The following APAF1 variants were observed in gnomAD, a reference collection of about 807,000 sequenced individuals.
APAF1 encodes apoptotic peptidase activating factor 1, also known as apoptotic protease-activating factor 1.
In APAF1, 91 loss-of-function variants were observed where a neutral mutation model predicts 152.4. That is an observed-to-expected ratio of 0.60 (90% CI 0.50 to 0.71). The LOEUF is 0.71. APAF1 is among the 30% of genes least tolerant of loss of function. The pLI is 0.00. For synonymous variants in APAF1, 484 were observed against 494.1 expected (o/e 0.98, Z 0.27); for missense variants, 1,283 against 1,472.0 (o/e 0.87, Z 2.10).
chr12:98,686,717 G>A, intron 15 of APAF1, 31 bp from the exon 16 acceptor site: 1 of 1,604,062 alleles, frequency 6.2e-7, no homozygotes, highest in East Asian at 2.2e-5. Context: ...AATACTAGTT[G>A]TTTATTTATC....
At chr12:98,699,619 C>T (rs1438812912) in intron 17 of APAF1, 50 bp downstream of exon 17, 4 of 1,599,232 alleles carry the variant, frequency 2.5e-6, no homozygotes, top group Non-Finnish European at 3.4e-6. Context: ...AAAGTTAAAA[C>T]TTCTGTTCAT....
Position 98,699,531 on chromosome 12 carries a change from G to C in APAF1, c.2428G>C (p.Gly810Arg), listed in dbSNP as rs1020237817. ...GAAGTGTTGTTCGTGGTCTGCTGAT[G>C]GTGCAAGGATAATGGTGGCAGCAAA... Reference protein sequence around the residue: ...IVKCCSWSADGARIMVAAKNK... With the variant: ...IVKCCSWSADRARIMVAAKNK... Residue 810 changes from glycine to arginine, a missense_variant, in exon 17 of 27, where the codon GGT becomes CGT. Gly to Arg is a moderately radical substitution (Grantham distance 125). Transcript: ENST00000551964. 13 of 1,614,168 alleles carry C rather than the reference G, an allele frequency of 8.1e-6. No individual in the cohort carries two copies. Among genetic ancestry groups the C allele is most frequent in the Non-Finnish European group, 1.1e-5 (13 of 1,180,018 alleles).
At chr12:98,677,588 T>C in intron 13 of APAF1, 37 bp downstream of exon 13, 2 of 1,613,814 alleles carry the variant, frequency 1.2e-6, no homozygotes, top group Non-Finnish European at 1.7e-6. Flanking sequence ...CAAAGAGGCA[T>C]GTATCCAGTT....
chr12:98,684,664 A>G (rs945869684), intron 15 of APAF1, among the ~76,000 whole-genome samples: 1 of 152,136 alleles, frequency 6.6e-6, no homozygotes, highest in African/African-American at 2.4e-5. Context: ...TAATGTAGTA[A>G]CATAAAATTA....
chr12:98,680,499 C>T (rs2097691139), intron 14 of APAF1, 97 bp downstream of exon 14: 3 of 1,194,498 alleles, frequency 2.5e-6, no homozygotes, highest in South Asian at 1.3e-5. Context: ...AAAGGACTCT[C>T]ACCTGTTGAT....
At chr12:98,669,427 A>G (rs1355537439) in intron 10 of APAF1, among the ~76,000 whole-genome samples, 2 of 152,214 alleles carry the variant, frequency 1.3e-5, no homozygotes, top group Non-Finnish European at 2.9e-5. Flanking sequence ...CACAACCATT[A>G]CTAATGCTCT....
At chr12:98,703,257 T>G (rs1308145846) in intron 17 of APAF1, 114 bp from the exon 18 acceptor site, 1 of 1,133,364 alleles carries the variant, frequency 8.8e-7, no homozygotes, top group Non-Finnish European at 1.3e-6. Context: ...ATTATGCCAG[T>G]TATCAGTAAT....
At position 98,671,624 on chromosome 12, in the gene APAF1, G is replaced by A. The variant is rs1427256265; in HGVS notation, c.1698G>A (p.Leu566=). 2 of 1,613,780 alleles carry A rather than the reference G, an allele frequency of 1.2e-6. No individual in the cohort carries two copies. Among genetic ancestry groups the A allele is most frequent in the Non-Finnish European group, 1.7e-6 (2 of 1,179,980 alleles). The part of the protein sequence containing the change: ...GRQPFPNIVQ[L]GLCEPETSEV... ...AGCCATTTCCTAATATTGTACAACT[G>A]GGTCTCTGTGAGCCGGAAACTTCAG... The change falls in exon 12 of 27, where the codon CTG becomes CTA. Residue 566 remains leucine, a synonymous_variant. Transcript: ENST00000551964.
rs73378459 is a variant in APAF1 at position 98,723,066 on chromosome 12, C to G, written c.3085-127C>G. On this transcript the variant is annotated intron_variant, in intron 22 of 26. Coordinates refer to ENST00000551964, the MANE Select transcript of APAF1 (RefSeq NM_181861.2). ...GGACACCACAGTCTTCTCTCTTATT[C>G]CTCTCTGTTTTACTGAAATGCCATG... 4,104 of 958,910 alleles carry G rather than the reference C, an allele frequency of 4.3e-3. 105 individuals carry two copies. The African/African-American group carries it at 0.06, about 14-fold the overall frequency. The allele number at this position is 958,910 out of a possible 1,614,324, so 59.4% of individuals were successfully genotyped here.
chr12:98,663,342 G>T (rs1031913305), intron 7 of APAF1, among the ~76,000 whole-genome samples: 1 of 151,928 alleles, frequency 6.6e-6, no homozygotes, highest in Non-Finnish European at 1.5e-5. Flanking sequence ...TTAGCTCTTT[G>T]TCATATTTTT....
At chr12:98,689,123 A>G (rs1407536904) in intron 16 of APAF1, among the ~76,000 whole-genome samples, 2 of 151,890 alleles carry the variant, frequency 1.3e-5, no homozygotes, top group Non-Finnish European at 2.9e-5. Flanking sequence ...CCCTACCACT[A>G]TTTTCAACAT....
intron 5 of APAF1, among the ~76,000 whole-genome samples, chr12:98,659,771 A>AAAG (rs1555214674): frequency 7.0e-5 from 10 of 142,416 alleles, no homozygotes; most frequent in South Asian, 2.1e-4. Context: ...AAAAAAAAAA[A>AAAG]AGAGAGAGAA....
chr12:98,666,859 A>C (rs1254321818), intron 9 of APAF1, among the ~76,000 whole-genome samples: 1 of 151,872 alleles, frequency 6.6e-6, no homozygotes, highest in Non-Finnish European at 1.5e-5. Context: ...GTTTTTAAAA[A>C]ATTTTTTGTA....
At chr12:98,672,793 C>T (rs927104636) in intron 12 of APAF1, among the ~76,000 whole-genome samples, 8 of 151,464 alleles carry the variant, frequency 5.3e-5, no homozygotes, top group African/African-American at 1.7e-4. Flanking sequence ...TCACTCTTGT[C>T]GCCCAGGCTG....
At chr12:98,691,573 A>G (rs1220777372) in intron 16 of APAF1, among the ~76,000 whole-genome samples, 5 of 152,150 alleles carry the variant, frequency 3.3e-5, no homozygotes, top group African/African-American at 9.7e-5. Flanking sequence ...TGAAGAATGT[A>G]AAAATCCAGT....
At chr12:98,652,211 C>A (rs1262009276) in intron 4 of APAF1, among the ~76,000 whole-genome samples, 1 of 152,094 alleles carries the variant, frequency 6.6e-6, no homozygotes, top group Non-Finnish European at 1.5e-5. Flanking sequence ...CCTTGGCCTC[C>A]CAAAGTGCTG....
At chr12:98,702,050 G>T (rs773646112) in intron 17 of APAF1, among the ~76,000 whole-genome samples, 14 of 152,170 alleles carry the variant, frequency 9.2e-5, no homozygotes, top group Non-Finnish European at 1.6e-4. Flanking sequence ...ATGCTTGCAG[G>T]GACTATGCAT....
In APAF1 at chr12:98,703,452, C is replaced by G. The variant is rs1277817599; in HGVS notation, c.2548C>G (p.Pro850Ala). 1.2e-6 allele frequency: 2 copies of G among 1,614,176 alleles called. No homozygotes were observed. The highest frequency in any genetic ancestry group is 1.7e-6 in the Non-Finnish European group (2 of 1,180,032). Residue 850 changes from proline to alanine, a missense_variant, in exon 18 of 27, where the codon CCA becomes GCA. Physicochemically the swap from Pro to Ala is conservative, Grantham distance 27 (BLOSUM62 -1). Coordinates refer to ENST00000551964, the MANE Select transcript of APAF1 (RefSeq NM_181861.2). ...CACCATCCAGTACTGTGACTTCTCC[C>G]CACAAAACCATTTGGCAGTGGTTGC... ...HSTIQYCDFSPQNHLAVVALS... is the reference protein window; with the variant it reads ...HSTIQYCDFSAQNHLAVVALS...
chr12:98,648,701 T>G lies in APAF1; in HGVS notation c.214T>G (p.Tyr72Asp). ...AGATAATGATTCCTACGTATCATTC[T>G]ACAATGCTCTACTACATGAAGGATA... Reference protein sequence around the residue: ...KKDNDSYVSFYNALLHEGYKD... With the variant: ...KKDNDSYVSFDNALLHEGYKD... Residue 72 changes from tyrosine (Y) to aspartate (D), a missense_variant, in exon 3 of 27, where the codon TAC becomes GAC. Tyr to Asp is a radical substitution (Grantham distance 160). Transcript: ENST00000551964. 1 of 1,613,846 alleles carries G rather than the reference T, an allele frequency of 6.2e-7. No individual in the cohort carries two copies. The highest frequency in any genetic ancestry group is 8.5e-7 in the Non-Finnish European group (1 of 1,179,776).
Sources: allele counts gnomAD v4.1 joint callset (sites outside exome capture counted in the v4.1 genomes callset), GRCh38; gene constraint gnomAD v4.1.1; transcripts MANE v1.5; gene names NCBI Gene and HGNC (gene_info 2026-07-23, HGNC 2026-07-21).